MECOM: variants seen among roughly 807,000 people sequenced by gnomAD.
MECOM encodes the protein histone-lysine N-methyltransferase MECOM.
Under a neutral mutation model 116.3 loss-of-function variants are expected in MECOM, and 13 were observed. That is an observed-to-expected ratio of 0.11 (90% CI 0.07 to 0.18). MECOM has a LOEUF of 0.18. MECOM is among the 10% of genes least tolerant of loss of function. The pLI is 1.00. For synonymous variants in MECOM, 528 were observed against 535.2 expected, an observed-to-expected ratio of 0.99 and a Z score of 0.19; for missense variants, 1,299 against 1,509.0, an observed-to-expected ratio of 0.86 and a Z score of 2.31.
At chr3:169,515,019 GA>G (rs1437940891) in intron 1 of MECOM, among the ~76,000 whole-genome samples, 1 of 152,154 alleles carries the variant, frequency 6.6e-6, no homozygotes, top group Non-Finnish European at 1.5e-5. Flanking sequence ...AGCAGATCAA[GA>G]CTGTCCTCAG....
intron 1 of MECOM, among the ~76,000 whole-genome samples, chr3:169,612,763 G>A (rs1769445736): frequency 2.0e-5 from 3 of 152,068 alleles, no homozygotes; most frequent in South Asian, 2.1e-4. Context: ...GATAAAATAC[G>A]TGCTTTCACC....
At chr3:169,303,040 C>T (rs1237600703) in intron 2 of MECOM, among the ~76,000 whole-genome samples, 3 of 152,160 alleles carry the variant, frequency 2.0e-5, no homozygotes, top group Non-Finnish European at 4.4e-5. Flanking sequence ...TACTCAACTA[C>T]TCTTACATTA....
chr3:169,285,365 A>G (rs1040032181), intron 2 of MECOM, among the ~76,000 whole-genome samples: 3 of 152,134 alleles, frequency 2.0e-5, no homozygotes, highest in African/African-American at 7.2e-5. Flanking sequence ...TAAATTTTCC[A>G]TGTCCCACAG....
chr3:169,370,951 T>C (rs1729993673), intron 2 of MECOM, among the ~76,000 whole-genome samples: 2 of 151,964 alleles, frequency 1.3e-5, no homozygotes, highest in African/African-American at 4.8e-5. Flanking sequence ...GAATACAGTA[T>C]AAACAGTCCT....
At chr3:169,378,542 G>GAA (rs1377314566) in intron 2 of MECOM, among the ~76,000 whole-genome samples, 1 of 118,910 alleles carries the variant, frequency 8.4e-6, no homozygotes, top group South Asian at 2.8e-4. Flanking sequence ...AAGAAAGAAA[G>GAA]AAAGAAAGAA....
intron 1 of MECOM, among the ~76,000 whole-genome samples, chr3:169,438,254 GT>G (rs572741698): frequency 5.0e-4 from 75 of 148,758 alleles, no homozygotes; most frequent in African/African-American, 1.1e-3. Flanking sequence ...CATTTTGCTT[GT>G]TTTTTTTTTA....
At chr3:169,495,643 C>CAA (rs1753720502) in intron 1 of MECOM, among the ~76,000 whole-genome samples, 1 of 152,146 alleles carries the variant, frequency 6.6e-6, no homozygotes, top group East Asian at 1.9e-4. Context: ...TCATTCTTTC[C>CAA]ATGGCTTTTC....
chr3:169,360,769 G>T (rs933300742), intron 2 of MECOM, among the ~76,000 whole-genome samples: 1 of 151,804 alleles, frequency 6.6e-6, no homozygotes, highest in Admixed American at 6.6e-5. Flanking sequence ...GGCGGAGTAT[G>T]CCTTCTTCAT....
chr3:169,353,526 T>C (rs1455465560), intron 2 of MECOM, among the ~76,000 whole-genome samples: 1 of 151,846 alleles, frequency 6.6e-6, no homozygotes, highest in Non-Finnish European at 1.5e-5. Context: ...CATCTCCTGA[T>C]GCTACTCCAA....
intron 1 of MECOM, among the ~76,000 whole-genome samples, chr3:169,640,199 T>C (rs1460870388): frequency 6.6e-6 from 1 of 152,140 alleles, no homozygotes; most frequent in African/African-American, 2.4e-5. Context: ...ATATGAACAG[T>C]AGATTTCTAA....
At chr3:169,306,631 A>G (rs1717756371) in intron 2 of MECOM, among the ~76,000 whole-genome samples, 1 of 152,232 alleles carries the variant, frequency 6.6e-6, no homozygotes, top group African/African-American at 2.4e-5. Context: ...CAGTGAGCAG[A>G]GATCATGCCA....
chr3:169,418,456 T>C (rs548862593), intron 1 of MECOM, among the ~76,000 whole-genome samples: 1 of 152,120 alleles, frequency 6.6e-6, no homozygotes, highest in East Asian at 1.9e-4. Flanking sequence ...AAAAACAAAA[T>C]TTCAGGCCAA....
chr3:169,483,804 T>C, intron 1 of MECOM: 1 of 1,611,902 alleles, frequency 6.2e-7, no homozygotes, highest in South Asian at 1.1e-5. Flanking sequence ...TTTGGTGAGA[T>C]ATTTCAAATA....
chr3:169,663,020 C>G (rs1776526715), intron 1 of MECOM, among the ~76,000 whole-genome samples: 1 of 139,568 alleles, frequency 7.2e-6, no homozygotes, highest in Non-Finnish European at 1.6e-5. Flanking sequence ...CGCGCTCACT[C>G]TCGCGCTCTC....
intron 2 of MECOM, among the ~76,000 whole-genome samples, chr3:169,148,565 C>T (rs1297173165): frequency 6.6e-6 from 1 of 152,088 alleles, no homozygotes; most frequent in Non-Finnish European, 1.5e-5. Flanking sequence ...TGGACAAAAT[C>T]CAACTCCCCA....
intron 2 of MECOM, among the ~76,000 whole-genome samples, chr3:169,243,219 A>G (rs965671832): frequency 1.3e-5 from 2 of 152,146 alleles, no homozygotes; most frequent in Admixed American, 6.6e-5. Context: ...CTTGACAGCC[A>G]CTATAAAGTA....
intron 2 of MECOM, among the ~76,000 whole-genome samples, chr3:169,331,121 A>G (rs1238547635): frequency 1.3e-5 from 2 of 152,122 alleles, no homozygotes. Context: ...CATCCTAACT[A>G]TACATTACAT....
intron 2 of MECOM, among the ~76,000 whole-genome samples, chr3:169,349,241 C>CA (rs1680553907): frequency 1.3e-5 from 2 of 151,948 alleles, no homozygotes; most frequent in Non-Finnish European, 2.9e-5. Context: ...CCTTCTTGCT[C>CA]TTTTTCTTTT....
intron 1 of MECOM, among the ~76,000 whole-genome samples, chr3:169,427,491 T>C (rs1364346944): frequency 6.6e-6 from 1 of 152,206 alleles, no homozygotes; most frequent in Admixed American, 6.5e-5. Flanking sequence ...CCTTACTGAC[T>C]ATAAATAATA....
Sources: allele counts gnomAD v4.1 joint callset (sites outside exome capture counted in the v4.1 genomes callset), GRCh38; gene constraint gnomAD v4.1.1; transcripts MANE v1.5; gene names NCBI Gene and HGNC (gene_info 2026-07-23, HGNC 2026-07-21).